The following BACH2 variants were observed in gnomAD, a reference collection of about 807,000 sequenced individuals.
The protein encoded by BACH2 is BACH transcriptional regulator 2.
BACH2 carries 5 observed loss-of-function variants against 61.8 expected under a neutral mutation model. The observed-to-expected ratio is 0.08, with a 90% CI of 0.04 to 0.17. BACH2 has a LOEUF of 0.17. Among genes scored for constraint, BACH2 ranks in the 10% least tolerant of loss-of-function variants. The pLI, the probability that BACH2 is intolerant of heterozygous loss-of-function variation, is 1.00. For missense variants in BACH2, 824 were observed against 1,091.1 expected (o/e 0.76, Z 3.45); for synonymous variants, 446 against 440.1 (o/e 1.01, Z -0.17).
At position 90,154,931 on chromosome 6, in the gene BACH2, A is replaced by C. The variant is rs900631451; in HGVS notation, c.-162+51638T>G. Among the ~76,000 whole-genome samples, 55 of 152,170 alleles carry C rather than the reference A, an allele frequency of 3.6e-4. 1 individual carries two copies. The highest frequency in any genetic ancestry group is 1.2e-3 in the African/African-American group (50 of 41,452). On this transcript the variant is annotated intron_variant, in intron 4 of 8. Transcript: ENST00000257749. ...CAGCTACCAAGGCAGACTGCGGAAA[A>C]GGGGACAAACTGGCAGGAAGAACTT...
chr6:89,942,672 C>A (rs567002479), intron 7 of BACH2, among the ~76,000 whole-genome samples: 33 of 152,250 alleles, frequency 2.2e-4, no homozygotes, highest in Admixed American at 5.9e-4. Flanking sequence ...AGGGGAAGGG[C>A]ACGAGGGATT....
intron 1 of BACH2, among the ~76,000 whole-genome samples, chr6:90,283,381 T>C (rs1412380299): frequency 1.3e-5 from 2 of 151,944 alleles, no homozygotes; most frequent in African/African-American, 4.8e-5. Context: ...ATGCTTTTTT[T>C]TTTTTCTTTT....
chr6:90,074,537 G>A (rs564075867), intron 5 of BACH2, among the ~76,000 whole-genome samples: 7 of 152,178 alleles, frequency 4.6e-5, no homozygotes, highest in Admixed American at 1.3e-4. Context: ...AAAAGTTTCC[G>A]CTACAGCAGA....
chr6:90,245,453 G>C (rs1358987751), intron 3 of BACH2, among the ~76,000 whole-genome samples: 1 of 152,102 alleles, frequency 6.6e-6, no homozygotes, highest in African/African-American at 2.4e-5. Context: ...AAATTATCCA[G>C]GTGTTGTGGT....
At chr6:90,257,614 G>T (rs1330734552) in intron 2 of BACH2, among the ~76,000 whole-genome samples, 1 of 152,066 alleles carries the variant, frequency 6.6e-6, no homozygotes, top group Non-Finnish European at 1.5e-5. Flanking sequence ...ATAAATTTTG[G>T]CTACTAACTC....
chr6:90,286,388 G>A (rs753923951), intron 1 of BACH2, among the ~76,000 whole-genome samples: 1 of 152,098 alleles, frequency 6.6e-6, no homozygotes, highest in South Asian at 2.1e-4. Context: ...ATGTTCTCTC[G>A]TTTTATACGG....
intron 6 of BACH2, among the ~76,000 whole-genome samples, chr6:89,999,936 G>A (rs1446754982): frequency 6.6e-6 from 1 of 152,212 alleles, no homozygotes; most frequent in African/African-American, 2.4e-5. Context: ...TTGAAATCAG[G>A]TCACTTAAAA....
intron 4 of BACH2, among the ~76,000 whole-genome samples, chr6:90,095,540 G>A (rs1418236245): frequency 6.6e-6 from 1 of 152,084 alleles, no homozygotes. Flanking sequence ...GACATTCAAG[G>A]TGTTTAAGTT....
At chr6:90,039,238 G>A (rs1376859649) in intron 5 of BACH2, among the ~76,000 whole-genome samples, 7 of 152,178 alleles carry the variant, frequency 4.6e-5, no homozygotes, top group Admixed American at 6.5e-5. Context: ...AGGTTGTAAC[G>A]TGTAATCTTG....
chr6:90,218,891 G>A (rs1195529694), intron 3 of BACH2, among the ~76,000 whole-genome samples: 1 of 151,560 alleles, frequency 6.6e-6, no homozygotes, highest in East Asian at 1.9e-4. Context: ...GGGGGACATG[G>A]CCTGGGCTGT....
intron 5 of BACH2, among the ~76,000 whole-genome samples, chr6:90,018,825 A>T (rs769777888): frequency 2.0e-4 from 31 of 152,360 alleles, no homozygotes; most frequent in Non-Finnish European, 3.8e-4. Context: ...ATTCTAAATA[A>T]CACAATTCAG....
intron 4 of BACH2, among the ~76,000 whole-genome samples, chr6:90,196,519 C>T (rs1768762682): frequency 6.6e-6 from 1 of 152,158 alleles, no homozygotes; most frequent in Non-Finnish European, 1.5e-5. Flanking sequence ...CTATTTTTAG[C>T]TATAATCAGA....
intron 6 of BACH2, among the ~76,000 whole-genome samples, chr6:89,980,740 C>A (rs779719976): frequency 1.3e-5 from 2 of 152,210 alleles, no homozygotes; most frequent in African/African-American, 4.8e-5. Flanking sequence ...TGAGTCTTTT[C>A]TGAAGTCCAT....
intron 5 of BACH2, among the ~76,000 whole-genome samples, chr6:90,068,359 G>A (rs996643465): frequency 2.0e-5 from 3 of 152,160 alleles, no homozygotes; most frequent in African/African-American, 4.8e-5. Flanking sequence ...TGTCCTCAAA[G>A]GTCTTTATAT....
intron 3 of BACH2, among the ~76,000 whole-genome samples, chr6:90,239,695 A>G (rs1205649405): frequency 6.6e-6 from 1 of 151,974 alleles, no homozygotes; most frequent in Middle Eastern, 3.2e-3. Context: ...TATATGACTA[A>G]GAGATTATGT....
intron 1 of BACH2, among the ~76,000 whole-genome samples, chr6:90,292,424 C>G (rs779115727): frequency 1.3e-5 from 2 of 152,334 alleles, no homozygotes; most frequent in Middle Eastern, 3.4e-3. Context: ...CAAGTTACCC[C>G]ATCTGGTCAG....
intron 4 of BACH2, among the ~76,000 whole-genome samples, chr6:90,162,399 G>C (rs185584069): frequency 9.2e-5 from 14 of 152,302 alleles, no homozygotes; most frequent in Non-Finnish European, 1.8e-4. Flanking sequence ...AGCGCTTTGG[G>C]AGGCCAAGGC....
chr6:90,056,587 C>T (rs1248884316), intron 5 of BACH2, among the ~76,000 whole-genome samples: 3 of 151,896 alleles, frequency 2.0e-5, no homozygotes, highest in Non-Finnish European at 4.4e-5. Context: ...AACAAGGATA[C>T]CCAGGAATTG....
intron 4 of BACH2, among the ~76,000 whole-genome samples, chr6:90,155,268 C>A (rs1277336384): frequency 4.6e-5 from 7 of 152,158 alleles, no homozygotes; most frequent in African/African-American, 1.7e-4. Flanking sequence ...CTTCTTAGGA[C>A]TTCTAAAGGG....
Sources: allele counts gnomAD v4.1 joint callset (sites outside exome capture counted in the v4.1 genomes callset), GRCh38; gene constraint gnomAD v4.1.1; transcripts MANE v1.5; gene names NCBI Gene and HGNC (gene_info 2026-07-23, HGNC 2026-07-21).